The following KCNB2 variants were observed in gnomAD, a reference collection of about 807,000 sequenced individuals.
The protein encoded by KCNB2 is potassium voltage-gated channel subfamily B member 2.
Under a neutral mutation model 61.5 loss-of-function variants are expected in KCNB2, and 15 were observed. The observed-to-expected ratio is 0.24, with a 90% CI of 0.16 to 0.38. KCNB2 has a LOEUF of 0.38. Ranked by LOEUF, KCNB2 falls within the 10% of genes least tolerant of loss-of-function variation. The pLI is 1.00. For missense variants in KCNB2, 828 were observed against 1,125.2 expected (o/e 0.74, Z 3.78); for synonymous variants, 457 against 446.0 (o/e 1.02, Z -0.31).
At chr8:72,557,799 A>G (rs529255747) in intron 1 of KCNB2, among the ~76,000 whole-genome samples, 1 of 152,290 alleles carries the variant, frequency 6.6e-6, no homozygotes, top group South Asian at 2.1e-4. Context: ...TTGAGGTAGC[A>G]CTGTCCATTG....
chr8:72,863,681 G>T (rs952706132), intron 2 of KCNB2, among the ~76,000 whole-genome samples: 1 of 152,142 alleles, frequency 6.6e-6, no homozygotes, highest in Non-Finnish European at 1.5e-5. Flanking sequence ...ATGGCAGCCC[G>T]CCAACTTGTG....
At chr8:72,666,147 G>C (rs945065265) in intron 2 of KCNB2, among the ~76,000 whole-genome samples, 2 of 152,158 alleles carry the variant, frequency 1.3e-5, no homozygotes, top group African/African-American at 4.8e-5. Context: ...CTTTATGGGA[G>C]CCTGCAACTT....
intron 2 of KCNB2, among the ~76,000 whole-genome samples, chr8:72,626,643 A>T (rs1027634639): frequency 6.6e-6 from 1 of 152,226 alleles, no homozygotes; most frequent in African/African-American, 2.4e-5. Flanking sequence ...ATTGAATAGA[A>T]GAGACTAAAC....
intron 2 of KCNB2, among the ~76,000 whole-genome samples, chr8:72,804,523 A>G (rs1809185271): frequency 6.6e-6 from 1 of 152,176 alleles, no homozygotes; most frequent in Admixed American, 6.5e-5. Context: ...TTGGTATTTG[A>G]TTGCACCTCC....
intron 2 of KCNB2, among the ~76,000 whole-genome samples, chr8:72,863,376 T>A: frequency 6.6e-6 from 1 of 152,198 alleles, no homozygotes; most frequent in East Asian, 1.9e-4. Context: ...TGATAATAAA[T>A]TTTGAATTCG....
intron 2 of KCNB2, among the ~76,000 whole-genome samples, chr8:72,812,368 T>C (rs1208771263): frequency 2.0e-5 from 3 of 152,178 alleles, no homozygotes; most frequent in African/African-American, 7.2e-5. Flanking sequence ...TTCCAGTTTT[T>C]ACACTTGTAA....
intron 2 of KCNB2, among the ~76,000 whole-genome samples, chr8:72,774,538 C>T (rs913158763): frequency 1.3e-5 from 2 of 152,132 alleles, no homozygotes; most frequent in South Asian, 2.1e-4. Context: ...TTAGTAGAGA[C>T]GGAGTTTCCA....
intron 2 of KCNB2, among the ~76,000 whole-genome samples, chr8:72,721,925 G>A (rs1310265091): frequency 6.6e-6 from 1 of 152,204 alleles, no homozygotes; most frequent in Non-Finnish European, 1.5e-5. Flanking sequence ...TGGCCCAAGA[G>A]CAAGCTGTCC....
At chr8:72,698,895 G>A (rs528938882) in intron 2 of KCNB2, among the ~76,000 whole-genome samples, 27 of 152,070 alleles carry the variant, frequency 1.8e-4, no homozygotes, top group Admixed American at 4.6e-4. Flanking sequence ...ATGTAAGACC[G>A]CAAACTATAA....
chr8:72,752,330 A>G (rs532985805), intron 2 of KCNB2, among the ~76,000 whole-genome samples: 2 of 152,130 alleles, frequency 1.3e-5, no homozygotes, highest in Non-Finnish European at 2.9e-5. Context: ...CTAGTTTAAC[A>G]TTATTTCTGG....
At chr8:72,846,557 C>CA (rs59422085) in intron 2 of KCNB2, among the ~76,000 whole-genome samples, 3 of 149,180 alleles carry the variant, frequency 2.0e-5, no homozygotes, top group South Asian at 2.1e-4. Context: ...AACAAATTTA[C>CA]AAAAAAAAAG....
chr8:72,901,178 G>A (rs565202744), intron 2 of KCNB2, among the ~76,000 whole-genome samples: 3 of 152,174 alleles, frequency 2.0e-5, no homozygotes, highest in Non-Finnish European at 2.9e-5. Flanking sequence ...GCCAGGCAAG[G>A]AAGAATAGCA....
In KCNB2 at chr8:72,585,757, G is replaced by A. The variant is rs535563448; in HGVS notation, c.579+17444G>A. 7.9e-5 allele frequency among the ~76,000 whole-genome samples: 12 copies of A among 152,284 alleles called. No individual in the cohort carries two copies. The East Asian group carries it at 2.3e-3, about 29-fold the overall frequency. On this transcript the variant is annotated intron_variant, in intron 2 of 2. Transcript: ENST00000523207. ...CATATGAGTGATTATGACAAAATAT[G>A]ATTGTTTTGTAACAGAGATCTATTG...
Position 72,717,554 on chromosome 8 carries a change from C to T in KCNB2, c.579+149241C>T, listed in dbSNP as rs188379335. ...CTTTGACAAACCTGACAAAAACAAG[C>T]AATGGGGAAAGGATTCCCTATTTAA... On this transcript the variant is annotated intron_variant, in intron 2 of 2. Transcript: ENST00000523207. Among the ~76,000 whole-genome samples the T allele has an allele frequency of 1.1e-4, 17 of 152,102 alleles. No individual in the cohort carries two copies. In the East Asian group the frequency reaches 3.3e-3, roughly 29 times the overall value.
intron 2 of KCNB2, among the ~76,000 whole-genome samples, chr8:72,803,480 C>T (rs1172256834): frequency 6.6e-6 from 1 of 152,204 alleles, no homozygotes; most frequent in Non-Finnish European, 1.5e-5. Context: ...ACCAACATCA[C>T]ATCTCTATAC....
chr8:72,570,794 G>T (rs1806696477), intron 2 of KCNB2, among the ~76,000 whole-genome samples: 1 of 152,238 alleles, frequency 6.6e-6, no homozygotes, highest in Middle Eastern at 3.4e-3. Context: ...GTCCTCACTT[G>T]CTGAGGAGGT....
rs181746026 is a variant in KCNB2, at chr8:72,578,031, C to T, written c.579+9718C>T. On this transcript the variant is annotated intron_variant, in intron 2 of 2. Coordinates refer to ENST00000523207, the MANE Select transcript of KCNB2 (RefSeq NM_004770.3). ...TTAGAATTGCATTTGTATCTGGCAA[C>T]ATTTTGTATAGGACCATCTAACTTG... 4.7e-3 allele frequency among the ~76,000 whole-genome samples: 709 copies of T among 152,262 alleles called. 9 individuals carry two copies. Among genetic ancestry groups the T allele is most frequent in the African/African-American group, 0.016 (679 of 41,554 alleles).
chr8:72,574,548 C>A (rs1171720592), intron 2 of KCNB2, among the ~76,000 whole-genome samples: 1 of 152,172 alleles, frequency 6.6e-6, no homozygotes, highest in Non-Finnish European at 1.5e-5. Flanking sequence ...TTCCTCTTTG[C>A]TTCTTGGTTG....
At position 72,804,207 on chromosome 8, in the gene KCNB2, A is replaced by T. The variant is rs541838541; in HGVS notation, c.580-131728A>T. Among the ~76,000 whole-genome samples the T allele has an allele frequency of 3.3e-5, 5 of 152,298 alleles. No homozygotes were observed. In the South Asian group the frequency reaches 1.0e-3, roughly 32 times the overall value. Reference sequence around the variant, plus strand: ...AAGTGGGGAGAGATTGTAGAGAAGCAAAAAAGAAACAAAATAAGGAAGCTT... The same window carrying T: ...AAGTGGGGAGAGATTGTAGAGAAGCTAAAAAGAAACAAAATAAGGAAGCTT... On this transcript the variant is annotated intron_variant, in intron 2 of 2. Coordinates refer to ENST00000523207, the MANE Select transcript of KCNB2 (RefSeq NM_004770.3).
Sources: gnomAD v4.1 joint callset for allele counts (sites outside exome capture counted in the v4.1 genomes callset) on GRCh38, gnomAD v4.1.1 for gene constraint, MANE v1.5 for transcripts, NCBI Gene and HGNC (gene_info 2026-07-23, HGNC 2026-07-21) for gene names.